The following CHD9 variants were observed in gnomAD, a reference collection of about 807,000 sequenced individuals.
CHD9 encodes the protein chromodomain helicase DNA binding protein 9.
Under a neutral mutation model 316.1 loss-of-function variants are expected in CHD9, and 77 were observed. That is an observed-to-expected ratio of 0.24 (90% CI 0.20 to 0.29). The LOEUF is 0.29. Ranked by LOEUF, CHD9 falls within the 10% of genes least tolerant of loss-of-function variation. The probability of loss-of-function intolerance (pLI) is 1.00; values close to 1 mark genes in which losing one functional copy is unlikely to be tolerated. For missense variants in CHD9, 2,763 were observed against 3,438.1 expected, an observed-to-expected ratio of 0.80 and a Z score of 4.91; for synonymous variants, 1,129 against 1,158.3, an observed-to-expected ratio of 0.97 and a Z score of 0.51.
chr16:53,207,065 G>A (rs2045949434), intron 2 of CHD9, among the ~76,000 whole-genome samples: 1 of 152,062 alleles, frequency 6.6e-6, no homozygotes, highest in Non-Finnish European at 1.5e-5. Flanking sequence ...TGTTGTTTCT[G>A]TTTTGAGGCC....
intron 1 of CHD9, among the ~76,000 whole-genome samples, chr16:53,075,247 G>T (rs920265144): frequency 6.6e-6 from 1 of 152,144 alleles, no homozygotes; most frequent in South Asian, 2.1e-4. Flanking sequence ...ATTGTATCTA[G>T]GAAGTAACTA....
intron 17 of CHD9, among the ~76,000 whole-genome samples, chr16:53,251,970 T>C (rs2050164692): frequency 6.6e-6 from 1 of 152,120 alleles, no homozygotes; most frequent in South Asian, 2.1e-4. Context: ...AAAATGCCCA[T>C]ACTGCCAAAA....
chr16:53,108,403 G>A (rs1325577917), intron 1 of CHD9, among the ~76,000 whole-genome samples: 1 of 152,094 alleles, frequency 6.6e-6, no homozygotes, highest in East Asian at 1.9e-4. Context: ...TACTGAGGAG[G>A]CTGAGGCAGG....
intron 10 of CHD9, among the ~76,000 whole-genome samples, chr16:53,234,423 C>A (rs948023264): frequency 6.6e-6 from 1 of 152,096 alleles, no homozygotes; most frequent in African/African-American, 2.4e-5. Flanking sequence ...AGGGGGAAAG[C>A]AGTCAGTCTT....
intron 1 of CHD9, among the ~76,000 whole-genome samples, chr16:53,105,877 G>A (rs577453749): frequency 1.7e-4 from 26 of 149,920 alleles, no homozygotes; most frequent in African/African-American, 5.2e-4. Flanking sequence ...AGGCTGGAGT[G>A]CAATAGCGCG....
rs1395160603 is a variant in CHD9, at chr16:53,209,692, C to T, written c.1663C>T (p.Pro555Ser). The T allele has an allele frequency of 1.2e-6, 2 of 1,613,776 alleles. No individual in the cohort carries two copies. The highest frequency in any genetic ancestry group is 1.7e-5 in the Admixed American group (1 of 60,004). ...IPRVMSPENFPTASVEGKEEK... is the reference protein window; with the variant it reads ...IPRVMSPENFSTASVEGKEEK... ...ACGAGTAATGAGCCCTGAAAACTTTCCTACTGCTTCAGTTGAAGGAAAAGA... is the reference window on the plus strand; with the variant it reads ...ACGAGTAATGAGCCCTGAAAACTTTTCTACTGCTTCAGTTGAAGGAAAAGA... The change falls in exon 3 of 39, where the codon CCT becomes TCT. Residue 555 changes from proline (P) to serine (S), a missense_variant. Transcript: ENST00000447540.
intron 1 of CHD9, among the ~76,000 whole-genome samples, chr16:53,085,249 T>A (rs976445755): frequency 7.9e-5 from 12 of 151,822 alleles, no homozygotes; most frequent in South Asian, 2.1e-4. Flanking sequence ...TTTTTTTTTT[T>A]ATTTTTTTTA....
intron 2 of CHD9, among the ~76,000 whole-genome samples, chr16:53,192,103 G>A (rs2044528653): frequency 6.6e-6 from 1 of 150,968 alleles, no homozygotes; most frequent in Non-Finnish European, 1.5e-5. Context: ...TCTCTAACAT[G>A]GCTGAGACCT....
At chr16:53,228,914 A>T in intron 7 of CHD9, 69 bp from the exon 8 acceptor site, 1 of 705,106 alleles carries the variant, frequency 1.4e-6, no homozygotes, top group Non-Finnish European at 2.3e-6. Flanking sequence ...ATTGGATGTT[A>T]TGATTTAAAA....
intron 32 of CHD9, among the ~76,000 whole-genome samples, chr16:53,306,719 C>G (rs576852093): frequency 1.3e-5 from 2 of 152,170 alleles, no homozygotes; most frequent in South Asian, 4.2e-4. Flanking sequence ...CAGTTGTGAC[C>G]TAGAATGAAA....
chr16:53,063,906 C>T (rs1481578147), intron 1 of CHD9, among the ~76,000 whole-genome samples: 4 of 150,176 alleles, frequency 2.7e-5, no homozygotes, highest in Non-Finnish European at 5.9e-5. Flanking sequence ...GTGATCATAG[C>T]TCACTGAAGC....
intron 2 of CHD9, among the ~76,000 whole-genome samples, chr16:53,182,237 C>T (rs2043586164): frequency 6.6e-6 from 1 of 152,072 alleles, no homozygotes; most frequent in African/African-American, 2.4e-5. Context: ...CCCTATCACC[C>T]AGGCTGGAAT....
intron 1 of CHD9, among the ~76,000 whole-genome samples, chr16:53,092,221 G>T (rs1344113072): frequency 2.6e-5 from 4 of 152,216 alleles, no homozygotes; most frequent in African/African-American, 9.7e-5. Flanking sequence ...GCAGCCTGGC[G>T]CAGGCTGTAC....
chr16:53,108,511 TATAGATAGATAGATAGATAG>T (rs36134573), intron 1 of CHD9, among the ~76,000 whole-genome samples: 20 of 146,622 alleles, frequency 1.4e-4, no homozygotes, highest in African/African-American at 2.5e-4. Context: ...TCTCAAAAAA[TATAGATAGATAGATAGATAG>T]ATAGATAGAT....
rs942485168 is a variant in CHD9, at chr16:53,136,330, A to G, written c.-164-19596A>G. Among the ~76,000 whole-genome samples, 10 of 152,298 alleles carry G rather than the reference A, an allele frequency of 6.6e-5. No homozygotes were observed. In the East Asian group the frequency reaches 1.9e-3, roughly 29 times the overall value. On this transcript the variant is annotated intron_variant, in intron 1 of 38. Transcript: ENST00000447540. ...TCTTGTCTAGTGGTCTTTTCATATT[A>G]GTTTACTTACTAATCAGTAGCAGTA...
chr16:53,208,792 A>C, intron 2 of CHD9: 1 of 728,636 alleles, frequency 1.4e-6, no homozygotes, highest in Non-Finnish European at 1.7e-6. Flanking sequence ...AATGCTCTTG[A>C]TCTGCTTCCT....
At chr16:53,153,723 A>T (rs2041296493) in intron 1 of CHD9, among the ~76,000 whole-genome samples, 1 of 151,842 alleles carries the variant, frequency 6.6e-6, no homozygotes, top group African/African-American at 2.4e-5. Context: ...TTTAGTAGAG[A>T]GAAGGGTCTC....
chr16:53,092,769 ATTAT>A (rs533269952), intron 1 of CHD9, among the ~76,000 whole-genome samples: 178 of 151,686 alleles, frequency 1.2e-3, no homozygotes, highest in East Asian at 7.0e-3. Flanking sequence ...CACCTTTATT[ATTAT>A]TTATTTATTT....
intron 2 of CHD9, among the ~76,000 whole-genome samples, chr16:53,178,193 T>A (rs550284605): frequency 1.3e-5 from 2 of 152,082 alleles, no homozygotes; most frequent in African/African-American, 4.8e-5. Flanking sequence ...AACCAGACCC[T>A]CTAAATTGTG....
Sources: gnomAD v4.1 joint callset for allele counts (sites outside exome capture counted in the v4.1 genomes callset) on GRCh38, gnomAD v4.1.1 for gene constraint, MANE v1.5 for transcripts, NCBI Gene and HGNC (gene_info 2026-07-23, HGNC 2026-07-21) for gene names.